The following CBLN4 variants were observed in gnomAD, a reference collection of about 807,000 sequenced individuals.
CBLN4 encodes the protein cerebellin 4 precursor.
In CBLN4, 7 loss-of-function variants were observed where a neutral mutation model predicts 14.9. That is an observed-to-expected ratio of 0.47 (90% CI 0.27 to 0.88). CBLN4 has a LOEUF of 0.88. Among genes scored for constraint, CBLN4 ranks in the 40% least tolerant of loss-of-function variants. The probability of loss-of-function intolerance (pLI) is 0.14; values close to 1 mark genes in which losing one functional copy is unlikely to be tolerated. For missense variants in CBLN4, 188 were observed against 256.8 expected (o/e 0.73, Z 1.83); for synonymous variants, 131 against 116.5 (o/e 1.12, Z -0.80).
Position 55,998,651 on chromosome 20 carries a change from T to G in CBLN4, c.512A>C (p.Lys171Thr). The G allele has an allele frequency of 6.2e-7, 1 of 1,614,160 alleles. No individual in the cohort carries two copies. The highest frequency in any genetic ancestry group is 8.5e-7 in the Non-Finnish European group (1 of 1,179,998). ...ATNGVLLYLDKEDKVYLKLEK... is the reference protein window; with the variant it reads ...ATNGVLLYLDTEDKVYLKLEK... ...CAGTTTTAGGTAAACCTTATCCTCTTTATCTAGGTAGAGCAGGACACCATT... is the reference window on the plus strand; with the variant it reads ...CAGTTTTAGGTAAACCTTATCCTCTGTATCTAGGTAGAGCAGGACACCATT... The change falls in exon 3 of 3, where the codon AAA becomes ACA. Residue 171 changes from lysine to threonine, a missense_variant. Coordinates refer to ENST00000064571, the MANE Select transcript of CBLN4 (RefSeq NM_080617.6).
rs570620907 is a variant in CBLN4, at chr20:55,999,257, G to A, written c.409-503C>T. Among the ~76,000 whole-genome samples, 22 of 152,286 alleles carry A rather than the reference G, an allele frequency of 1.4e-4. No homozygotes were observed. The East Asian group carries it at 2.1e-3, about 15-fold the overall frequency. On this transcript the variant is annotated intron_variant, in intron 2 of 2. Transcript: ENST00000064571. ...AAAATCAATTGAAATAATGAAGTTT[G>A]TGTATATATGTGTCTGTGTGTGTTT... is the stretch of plus-strand genomic sequence containing the variant.
chr20:56,003,039 G>A (rs548850499), intron 1 of CBLN4, among the ~76,000 whole-genome samples: 1 of 152,140 alleles, frequency 6.6e-6, no homozygotes, highest in African/African-American at 2.4e-5. Flanking sequence ...AGCCAAACAC[G>A]GAGCACCAGG....
Position 56,004,159 on chromosome 20 carries a change from G to C in CBLN4, c.13C>G (p.Arg5Gly). 6.5e-7 allele frequency: 1 copy of C among 1,536,216 alleles called. No homozygotes were observed. The highest frequency in any genetic ancestry group is 8.7e-7 in the Non-Finnish European group (1 of 1,146,030). Residue 5 changes from arginine (R) to glycine (G), a missense_variant, in exon 1 of 3, where the codon CGC becomes GGC. Arg to Gly is a moderately radical substitution (Grantham distance 125). Transcript: ENST00000064571. The surrounding 1 kb of genome is among the most constrained non-coding windows in gnomAD (Gnocchi z 6.1). The part of the protein sequence containing the change: MGSG[R>G]RALSAVPAVL... ...GCCGGCACCGCGGACAGCGCCCGGC[G>C]CCCGGAGCCCATGGTGAGCCGTGTG...
At chr20:56,000,306 T>C (rs1986347409) in intron 2 of CBLN4, among the ~76,000 whole-genome samples, 1 of 152,226 alleles carries the variant, frequency 6.6e-6, no homozygotes, top group South Asian at 2.1e-4. Flanking sequence ...ATTAGCTGTA[T>C]CTCATAATTT....
intron 1 of CBLN4, 33 bp downstream of exon 1, chr20:56,003,848 C>G: frequency 6.4e-7 from 1 of 1,566,876 alleles, no homozygotes; most frequent in Middle Eastern, 1.7e-4. Flanking sequence ...AGACCGCCCA[C>G]CCCCTAGGTG....
At chr20:56,001,919 C>A (rs1400843194) in intron 1 of CBLN4, among the ~76,000 whole-genome samples, 1 of 152,032 alleles carries the variant, frequency 6.6e-6, no homozygotes, top group Non-Finnish European at 1.5e-5. Flanking sequence ...CCATTTCTTT[C>A]CAAGAAATAC....
At chr20:56,003,832 G>T (rs1986415598) in intron 1 of CBLN4, 49 bp downstream of exon 1, 3 of 1,545,720 alleles carry the variant, frequency 1.9e-6, no homozygotes, top group Non-Finnish European at 1.8e-6. Flanking sequence ...GTGCTGAGGT[G>T]CCTGGAGACC....
chr20:56,001,514 T>A (rs1986371583), intron 1 of CBLN4, among the ~76,000 whole-genome samples: 1 of 152,190 alleles, frequency 6.6e-6, no homozygotes, highest in Non-Finnish European at 1.5e-5. Flanking sequence ...ACCATTTTTT[T>A]TTTCATTCCT....
intron 1 of CBLN4, among the ~76,000 whole-genome samples, chr20:56,003,363 T>C (rs1986407104): frequency 6.6e-6 from 1 of 152,158 alleles, no homozygotes; most frequent in Non-Finnish European, 1.5e-5. Flanking sequence ...GCCCCCGCCC[T>C]CCGCGGCCAC....
chr20:55,999,249 T>C (rs1233848500), intron 2 of CBLN4, among the ~76,000 whole-genome samples: 1 of 152,206 alleles, frequency 6.6e-6, no homozygotes, highest in Non-Finnish European at 1.5e-5. Context: ...ATTGAAATAA[T>C]GAAGTTTGTG....
chr20:56,004,398 T>C lies in CBLN4; in HGVS notation c.-227A>G, dbSNP rs913805556. 1.0e-5 allele frequency: 5 copies of C among 483,170 alleles called. No individual in the cohort carries two copies. Among genetic ancestry groups the C allele is most frequent in the African/African-American group, 1.0e-4 (5 of 48,740 alleles). 29.9% of individuals were successfully genotyped at this position (483,170 alleles called of 1,614,324 possible). A position where few individuals can be genotyped will look rare whatever the true frequency, so the allele number is the denominator to read the frequency against. ...TTACCTTTGTCCTTTAAGGAGCTCA[T>C]GCAGCACCCTTTACCCTACTCTCCT... On this transcript the variant is annotated 5_prime_UTR_variant, in exon 1 of 3. An upstream start codon of the reference 5' UTR is lost. Coordinates refer to ENST00000064571, the MANE Select transcript of CBLN4 (RefSeq NM_080617.6). This position sits in a 1 kb window ranked among gnomAD's most constrained non-coding sequence, Gnocchi z 6.1.
In CBLN4 at chr20:56,004,926, G is replaced by T. The variant is rs6092228; in HGVS notation, c.-755C>A. 15,216 of 152,430 alleles carry T rather than the reference G, an allele frequency of 0.1. 2,552 individuals carry two copies. The highest frequency in any genetic ancestry group is 0.35 in the African/African-American group (14,402 of 41,502). The allele number at this position is 152,430 out of a possible 1,614,324, so 9.4% of individuals were successfully genotyped here. On this transcript the variant is annotated 5_prime_UTR_variant, in exon 1 of 3. Transcript: ENST00000064571. This position sits in a 1 kb window ranked among gnomAD's most constrained non-coding sequence, Gnocchi z 6.1. Reference sequence around the variant, plus strand: ...CGGCGGGGTCCTCTCCTGCCTGGCCGCCCGCCCCCAGTCCCTGCGCACAAC... The same window carrying T: ...CGGCGGGGTCCTCTCCTGCCTGGCCTCCCGCCCCCAGTCCCTGCGCACAAC...
Position 56,003,901 on chromosome 20 carries a change from G to T in CBLN4, c.271C>A (p.Arg91Ser), listed in dbSNP as rs776382880. ...HEPSEMSNKT[R>S]IIYFDQILVN... ...CTGACCTGATCGAAGTAAATGATGC[G>T]CGTCTTGTTGCTCATCTCGGATGGC... The change falls in exon 1 of 3, where the codon CGC (arginine) becomes AGC (serine). Residue 91 changes from arginine to serine, a missense_variant. By Grantham distance (110) the Arg-to-Ser change is moderately radical. Around this residue, in one of 2 missense-constraint regions of CBLN4, gnomAD observed 93 missense variants for 157.7 expected, o/e 0.59. Transcript: ENST00000064571. 6.8e-6 allele frequency: 11 copies of T among 1,612,078 alleles called. No homozygotes were observed. Among genetic ancestry groups the T allele is most frequent in the Non-Finnish European group, 8.5e-6 (10 of 1,179,044 alleles).
intron 1 of CBLN4, among the ~76,000 whole-genome samples, chr20:56,002,455 G>A (rs1986390341): frequency 6.6e-6 from 1 of 152,174 alleles, no homozygotes; most frequent in Non-Finnish European, 1.5e-5. Flanking sequence ...GAGCATCCAG[G>A]TACATCGAGA....
rs1986431675 is a variant in CBLN4 at position 56,004,467 on chromosome 20, G to T, written c.-296C>A. On this transcript the variant is annotated 5_prime_UTR_variant, in exon 1 of 3. Transcript: ENST00000064571. This position sits in a 1 kb window ranked among gnomAD's most constrained non-coding sequence, Gnocchi z 6.1. ...TGCCTGGGGCCCCTGCACCCACTCT[G>T]GTTCCTAGACATCTGAAAGTCATCA... 7 of 359,692 alleles carry T rather than the reference G, an allele frequency of 1.9e-5. No homozygotes were observed. In the South Asian group the frequency reaches 7.9e-4, roughly 41 times the overall value. 22.3% of individuals were successfully genotyped at this position (359,692 alleles called of 1,614,324 possible).
chr20:56,000,608 G>A, intron 2 of CBLN4, 123 bp downstream of exon 2: 1 of 471,984 alleles, frequency 2.1e-6, no homozygotes, highest in Non-Finnish European at 3.8e-6. Context: ...TAAAATAAAT[G>A]ATAAAGATGG....
Position 56,000,795 on chromosome 20 carries a change from G to T in CBLN4, c.344C>A (p.Pro115Gln), listed in dbSNP as rs1408362727. The change falls in exon 2 of 3, where the codon CCA (proline) becomes CAA (glutamine). Residue 115 changes from proline (P) to glutamine (Q), a missense_variant. By Grantham distance (76) the Pro-to-Gln change is moderately conservative. Transcript: ENST00000064571. ...FFTLESVFVA[P>Q]RKGIYSFSFH... The stretch of plus-strand genomic sequence containing the variant: ...ACTGAAACTGTAAATTCCTTTTCTT[G>T]GTGCTACAAAGACAGACTCCAATGT... 6.2e-7 allele frequency: 1 copy of T among 1,601,288 alleles called. No individual in the cohort carries two copies. The highest frequency in any genetic ancestry group is 8.5e-7 in the Non-Finnish European group (1 of 1,174,132).
rs16984805 is a variant in CBLN4, at chr20:55,999,690, G to A, written c.409-936C>T. 5.8e-4 allele frequency among the ~76,000 whole-genome samples: 88 copies of A among 151,936 alleles called. No homozygotes were observed. In the East Asian group the frequency reaches 0.014, roughly 24 times the overall value. ...TATCACTGATTTTAGTGATTTTAGT[G>A]ATTTTAGATTTAGATTTTAAATTTT... On this transcript the variant is annotated intron_variant, in intron 2 of 2. Coordinates refer to ENST00000064571, the MANE Select transcript of CBLN4 (RefSeq NM_080617.6).
At position 56,002,560 on chromosome 20, in the gene CBLN4, T is replaced by G. The variant is rs1986392062; in HGVS notation, c.291+1321A>C. On this transcript the variant is annotated intron_variant, in intron 1 of 2. Coordinates refer to ENST00000064571, the MANE Select transcript of CBLN4 (RefSeq NM_080617.6). ...CTCTTCTAATTGATGGAAAGGTCAT[T>G]GAAAGGAACACCCTGTATAGAGGAT... 2.6e-5 allele frequency among the ~76,000 whole-genome samples: 4 copies of G among 152,200 alleles called. No individual in the cohort carries two copies. In the South Asian group the frequency reaches 8.3e-4, roughly 31 times the overall value.
Sources: gnomAD v4.1 joint callset for allele counts (sites outside exome capture counted in the v4.1 genomes callset) on GRCh38, gnomAD v4.1.1 for gene constraint, gnomAD v4.1.1 regional missense constraint, Gnocchi (gnomAD v3.1) non-coding constraint, MANE v1.5 for transcripts, NCBI Gene and HGNC (gene_info 2026-07-23, HGNC 2026-07-21) for gene names.